RAB28: variants seen among roughly 807,000 people sequenced by gnomAD.
The protein encoded by RAB28 is RAB28, member RAS oncogene family.
Under a neutral mutation model 31.7 loss-of-function variants are expected in RAB28, and 24 were observed. The observed-to-expected ratio is 0.76, with a 90% CI of 0.55 to 1.06. The LOEUF (loss-of-function observed/expected upper bound fraction) is 1.06. Ranked by LOEUF, RAB28 falls within the 50% of genes least tolerant of loss-of-function variation. The probability of loss-of-function intolerance (pLI) is 0.00; values close to 1 mark genes in which losing one functional copy is unlikely to be tolerated. For synonymous variants in RAB28, 100 were observed against 90.4 expected (o/e 1.11, Z -0.60); for missense variants, 254 against 258.5 (o/e 0.98, Z 0.12).
At chr4:13,418,394 T>C (rs1712921259) in intron 4 of RAB28, among the ~76,000 whole-genome samples, 1 of 151,868 alleles carries the variant, frequency 6.6e-6, no homozygotes, top group Admixed American at 6.6e-5. Flanking sequence ...AATCAGGAAA[T>C]ACAGAGAACA....
intron 6 of RAB28, chr4:13,371,074 G>A: frequency 5.1e-6 from 5 of 983,626 alleles, no homozygotes; most frequent in Non-Finnish European, 6.0e-6. Flanking sequence ...ATCTTAATAT[G>A]AGCTGCTGTG....
chr4:13,395,199 A>G (rs1729820218), intron 4 of RAB28, among the ~76,000 whole-genome samples: 1 of 152,174 alleles, frequency 6.6e-6, no homozygotes, highest in Non-Finnish European at 1.5e-5. Context: ...AAAAATACGC[A>G]CTATGATATA....
chr4:13,370,588 G>C lies in RAB28; in HGVS notation c.574-1938C>G, dbSNP rs1273790762. On this transcript the variant is annotated intron_variant, in intron 6 of 6. Coordinates refer to ENST00000330852, the MANE Select transcript of RAB28 (RefSeq NM_001017979.3). ...GAAGGAGTAATTAATTATCTTTGAA[G>C]GTGGGGAGAGGAATGAAGACATCAG... 3 of 971,364 alleles carry C rather than the reference G, an allele frequency of 3.1e-6. No individual in the cohort carries two copies. The African/African-American group carries it at 5.3e-5, about 17-fold the overall frequency. 60.2% of individuals were successfully genotyped at this position (971,364 alleles called of 1,614,324 possible). A position where few individuals can be genotyped will look rare whatever the true frequency, so the allele number is the denominator to read the frequency against.
In RAB28 at chr4:13,401,538, A is replaced by C. The variant is rs568000905; in HGVS notation, c.392-19944T>G. Reference sequence around the variant, plus strand: ...CTTAAAGTAAAATAATTTTAAAAAAAATTGTTAAGGAATTTGTTCGTTTAA... The same window carrying C: ...CTTAAAGTAAAATAATTTTAAAAAACATTGTTAAGGAATTTGTTCGTTTAA... On this transcript the variant is annotated intron_variant, in intron 4 of 6. Coordinates refer to ENST00000330852, the MANE Select transcript of RAB28 (RefSeq NM_001017979.3). Among the ~76,000 whole-genome samples, 731 of 152,332 alleles carry C rather than the reference A, an allele frequency of 4.8e-3. 5 individuals carry two copies. Among genetic ancestry groups the C allele is most frequent in the African/African-American group, 0.016 (684 of 41,568 alleles).
chr4:13,437,543 A>C (rs1714189957), intron 4 of RAB28, among the ~76,000 whole-genome samples: 1 of 152,080 alleles, frequency 6.6e-6, no homozygotes, highest in Admixed American at 6.6e-5. Context: ...AAAGTGGACT[A>C]ATGACATACA....
chr4:13,471,953 A>C (rs1053839234), intron 3 of RAB28, among the ~76,000 whole-genome samples: 2 of 152,154 alleles, frequency 1.3e-5, no homozygotes, highest in African/African-American at 4.8e-5. Context: ...AAAATAATGA[A>C]GACATTTTAC....
At chr4:13,400,803 T>TG (rs1462601845) in intron 4 of RAB28, among the ~76,000 whole-genome samples, 1 of 152,220 alleles carries the variant, frequency 6.6e-6, no homozygotes, top group Admixed American at 6.5e-5. Flanking sequence ...TTTTATCAAA[T>TG]GCTTTTTATG....
At chr4:13,454,187 G>A (rs1371467666) in intron 4 of RAB28, among the ~76,000 whole-genome samples, 7 of 151,856 alleles carry the variant, frequency 4.6e-5, no homozygotes, top group Non-Finnish European at 7.4e-5. Context: ...ATTTCTGATT[G>A]GTTATGGGTT....
chr4:13,377,043 T>C (rs773363098), intron 5 of RAB28, among the ~76,000 whole-genome samples: 16 of 152,182 alleles, frequency 1.1e-4, no homozygotes, highest in Non-Finnish European at 1.9e-4. Context: ...CTTTGGCCTA[T>C]CTCAAAAGGT....
rs1379628180 is a variant in RAB28 at position 13,422,192 on chromosome 4, C to T, written c.391+38507G>A. 2.0e-5 allele frequency among the ~76,000 whole-genome samples: 3 copies of T among 152,050 alleles called. No individual in the cohort carries two copies. The East Asian group carries it at 5.8e-4, about 29-fold the overall frequency. ...GCCATCAGAGAAATGCAAATCAAAA[C>T]CACAATGAGATACCATCTCATGCCA... On this transcript the variant is annotated intron_variant, in intron 4 of 6. Transcript: ENST00000330852.
At chr4:13,481,567 T>G (rs1281314863) in intron 1 of RAB28, among the ~76,000 whole-genome samples, 1 of 152,056 alleles carries the variant, frequency 6.6e-6, no homozygotes, top group Non-Finnish European at 1.5e-5. Flanking sequence ...CTTGGTAAAT[T>G]TCTACTAACA....
chr4:13,378,562 A>T (rs565280983), intron 5 of RAB28, among the ~76,000 whole-genome samples: 34 of 152,334 alleles, frequency 2.2e-4, no homozygotes, highest in African/African-American at 7.9e-4. Context: ...TTTTTAAGAT[A>T]AAAGAAGTCA....
chr4:13,478,465 T>C (rs1165050923), intron 2 of RAB28, among the ~76,000 whole-genome samples: 2 of 151,546 alleles, frequency 1.3e-5, no homozygotes, highest in East Asian at 1.9e-4. Flanking sequence ...TTTCATTACC[T>C]ACTCTAAAAC....
At chr4:13,393,419 G>C (rs943428023) in intron 4 of RAB28, among the ~76,000 whole-genome samples, 3 of 152,156 alleles carry the variant, frequency 2.0e-5, no homozygotes, top group Admixed American at 6.5e-5. Flanking sequence ...GTTTACGTGC[G>C]AATAGGTGAT....
chr4:13,373,951 A>ATGTATGTATGTGTGTGTG (rs2108875671), intron 6 of RAB28, among the ~76,000 whole-genome samples: 1 of 151,798 alleles, frequency 6.6e-6, no homozygotes, highest in Non-Finnish European at 1.5e-5. Context: ...ATATGTATGT[A>ATGTATGTATGTGTGTGTG]TGTATGTATG....
At chr4:13,423,843 T>C (rs1194634723) in intron 4 of RAB28, among the ~76,000 whole-genome samples, 1 of 152,196 alleles carries the variant, frequency 6.6e-6, no homozygotes. Context: ...AATTATAAGC[T>C]GATTCTACAG....
At chr4:13,445,438 G>C (rs1234436309) in intron 4 of RAB28, among the ~76,000 whole-genome samples, 2 of 152,046 alleles carry the variant, frequency 1.3e-5, no homozygotes, top group Non-Finnish European at 2.9e-5. Flanking sequence ...GAGGAAAAGA[G>C]GCATTCTGGC....
chr4:13,400,573 T>C (rs1201334520), intron 4 of RAB28, among the ~76,000 whole-genome samples: 1 of 152,170 alleles, frequency 6.6e-6, no homozygotes, highest in African/African-American at 2.4e-5. Context: ...AGTTTTATAA[T>C]AGCTAGGACC....
intron 4 of RAB28, among the ~76,000 whole-genome samples, chr4:13,398,554 G>A (rs987733362): frequency 1.3e-5 from 2 of 152,142 alleles, no homozygotes; most frequent in South Asian, 2.1e-4. Context: ...AAAGATGGGC[G>A]GATCACGAGG....
Sources: allele counts gnomAD v4.1 joint callset (sites outside exome capture counted in the v4.1 genomes callset), GRCh38; gene constraint gnomAD v4.1.1; transcripts MANE v1.5; gene names NCBI Gene and HGNC (gene_info 2026-07-23, HGNC 2026-07-21).